Variants in CADPS2 observed in about 807,000 individuals in gnomAD.
The protein encoded by CADPS2 is calcium dependent secretion activator 2, also known as calcium-dependent secretion activator 2.
A neutral mutation model predicts 172.5 loss-of-function variants in CADPS2; 93 were observed. The observed-to-expected ratio is 0.54, with a 90% CI of 0.46 to 0.64. The LOEUF (loss-of-function observed/expected upper bound fraction) is 0.64, where lower values mean the gene tolerates loss of function less well. Among genes scored for constraint, CADPS2 ranks in the 30% least tolerant of loss-of-function variants. CADPS2 has a pLI of 0.00. For missense variants in CADPS2, 1,420 were observed against 1,565.9 expected (o/e 0.91, Z 1.57); for synonymous variants, 546 against 555.2 (o/e 0.98, Z 0.23).
intron 1 of CADPS2, among the ~76,000 whole-genome samples, chr7:122,884,345 T>C (rs1015384913): frequency 5.9e-5 from 9 of 152,248 alleles, no homozygotes; most frequent in East Asian, 1.9e-4. Context: ...CAGACTCAAT[T>C]AGAGCAGCTG....
At chr7:122,697,440 T>C (rs985835241) in intron 2 of CADPS2, among the ~76,000 whole-genome samples, 1 of 152,174 alleles carries the variant, frequency 6.6e-6, no homozygotes. Flanking sequence ...ATATTACATA[T>C]CAGTAATTTT....
At chr7:122,414,491 AC>A (rs2047661501) in intron 18 of CADPS2, among the ~76,000 whole-genome samples, 1 of 152,198 alleles carries the variant, frequency 6.6e-6, no homozygotes, top group Non-Finnish European at 1.5e-5. Context: ...CAAAGACAAA[AC>A]ATACATATAT....
intron 1 of CADPS2, among the ~76,000 whole-genome samples, chr7:122,796,391 G>C (rs1048212958): frequency 2.0e-5 from 3 of 151,928 alleles, no homozygotes; most frequent in African/African-American, 4.8e-5. Flanking sequence ...AATTCATATG[G>C]AGCCCAAATA....
At chr7:122,562,085 A>G (rs908449506) in intron 7 of CADPS2, among the ~76,000 whole-genome samples, 2 of 152,204 alleles carry the variant, frequency 1.3e-5, no homozygotes, top group Admixed American at 6.5e-5. Flanking sequence ...TGTTTACTTA[A>G]CAGTCTCTCA....
intron 9 of CADPS2, among the ~76,000 whole-genome samples, chr7:122,494,376 T>C (rs1426709878): frequency 6.6e-6 from 1 of 152,134 alleles, no homozygotes; most frequent in African/African-American, 2.4e-5. Flanking sequence ...ATATAAGCGG[T>C]TTGGTTAAAA....
intron 11 of CADPS2, among the ~76,000 whole-genome samples, chr7:122,489,026 A>G (rs1450468957): frequency 2.0e-5 from 3 of 152,176 alleles, no homozygotes; most frequent in African/African-American, 7.2e-5. Context: ...TTTTAAGATG[A>G]CAATGCTACT....
At chr7:122,635,052 C>G (rs1195387416) in intron 3 of CADPS2, among the ~76,000 whole-genome samples, 2 of 152,088 alleles carry the variant, frequency 1.3e-5, no homozygotes, top group Non-Finnish European at 2.9e-5. Flanking sequence ...TTTATTGAGA[C>G]TTGTGTTATC....
intron 28 of CADPS2, among the ~76,000 whole-genome samples, chr7:122,342,654 C>T (rs2036962005): frequency 6.6e-6 from 1 of 152,058 alleles, no homozygotes; most frequent in Non-Finnish European, 1.5e-5. Context: ...AGAGTTTAAG[C>T]CCTCATGTTG....
At chr7:122,869,893 CTGT>C (rs999870010) in intron 1 of CADPS2, among the ~76,000 whole-genome samples, 5 of 151,936 alleles carry the variant, frequency 3.3e-5, no homozygotes, top group Non-Finnish European at 5.9e-5. Context: ...TTTAAACAGC[CTGT>C]TATTAGTATA....
chr7:122,586,211 G>A (rs1431177806), intron 6 of CADPS2, among the ~76,000 whole-genome samples: 1 of 151,952 alleles, frequency 6.6e-6, no homozygotes, highest in Non-Finnish European at 1.5e-5. Context: ...CCTTTTATGT[G>A]GAGATGACAT....
intron 1 of CADPS2, among the ~76,000 whole-genome samples, chr7:122,883,399 G>A (rs996619450): frequency 1.4e-4 from 22 of 152,140 alleles, no homozygotes; most frequent in Admixed American, 9.2e-4. Flanking sequence ...TGAGTAAGCA[G>A]CAATATTCAT....
intron 1 of CADPS2, among the ~76,000 whole-genome samples, chr7:122,799,750 T>A (rs759616253): frequency 6.6e-6 from 1 of 152,142 alleles, no homozygotes; most frequent in Non-Finnish European, 1.5e-5. Context: ...GGCACTCATA[T>A]TAGTCAAAAT....
intron 1 of CADPS2, among the ~76,000 whole-genome samples, chr7:122,862,858 C>T (rs1472420631): frequency 4.6e-5 from 7 of 151,784 alleles, no homozygotes; most frequent in African/African-American, 9.7e-5. Context: ...ACTGAAATAA[C>T]GTGTATTTCA....
intron 1 of CADPS2, among the ~76,000 whole-genome samples, chr7:122,873,089 C>G (rs1244077744): frequency 6.6e-6 from 1 of 152,134 alleles, no homozygotes; most frequent in Admixed American, 6.6e-5. Context: ...GGAAAATGAT[C>G]TTTGGAGAAA....
chr7:122,656,981 T>C (rs1343708457), intron 3 of CADPS2, among the ~76,000 whole-genome samples: 1 of 152,206 alleles, frequency 6.6e-6, no homozygotes, highest in Non-Finnish European at 1.5e-5. Flanking sequence ...GAATTAATTT[T>C]TGTATAAGGT....
chr7:122,328,209 C>T (rs2034281846), intron 28 of CADPS2, among the ~76,000 whole-genome samples: 1 of 151,802 alleles, frequency 6.6e-6, no homozygotes, highest in South Asian at 2.1e-4. Context: ...ACAGAAACCT[C>T]TAGCACTTTC....
intron 2 of CADPS2, among the ~76,000 whole-genome samples, chr7:122,718,737 C>A (rs2089997097): frequency 6.6e-6 from 1 of 152,072 alleles, no homozygotes; most frequent in African/African-American, 2.4e-5. Flanking sequence ...TGTGGTCAAG[C>A]TGAAGCGCTG....
chr7:122,618,247 G>T (rs375574512), intron 5 of CADPS2, among the ~76,000 whole-genome samples: 1 of 152,014 alleles, frequency 6.6e-6, no homozygotes, highest in Non-Finnish European at 1.5e-5. Context: ...AATCCTGAAC[G>T]GCTGTTTTTT....
intron 24 of CADPS2, among the ~76,000 whole-genome samples, chr7:122,384,940 A>G (rs899742723): frequency 2.6e-5 from 4 of 152,106 alleles, no homozygotes; most frequent in Admixed American, 6.6e-5. Flanking sequence ...AACATTTACT[A>G]AAGTGCCTAC....
Sources: gnomAD v4.1 joint callset for allele counts (sites outside exome capture counted in the v4.1 genomes callset) on GRCh38, gnomAD v4.1.1 for gene constraint, MANE v1.5 for transcripts, NCBI Gene and HGNC (gene_info 2026-07-23, HGNC 2026-07-21) for gene names.